Variants in KLHL7 observed in about 807,000 individuals in gnomAD.
The protein encoded by KLHL7 is kelch like family member 7.
Under a neutral mutation model 67.4 loss-of-function variants are expected in KLHL7, and 44 were observed. The ratio of observed to expected loss-of-function variants is 0.65; its 90% CI spans 0.51 to 0.84. The LOEUF is 0.84. Among genes scored for constraint, KLHL7 ranks in the 40% least tolerant of loss-of-function variants. The pLI is 0.00. For synonymous variants in KLHL7, 252 were observed against 243.3 expected (o/e 1.04, Z -0.33); for missense variants, 362 against 718.1 (o/e 0.50, Z 5.67).
At position 23,123,792 on chromosome 7, in the gene KLHL7, G is replaced by T; in HGVS notation, c.136G>T (p.Val46Leu). 6.2e-7 allele frequency: 1 copy of T among 1,612,856 alleles called. No homozygotes were observed. Among genetic ancestry groups the T allele is most frequent in the Non-Finnish European group, 8.5e-7 (1 of 1,179,038 alleles). ...NMRKQKTLCDVILMVQERKIP... is the reference protein window; with the variant it reads ...NMRKQKTLCDLILMVQERKIP... ...CTTTGATTAGAAAACGTTGTGTGAC[G>T]TGATCCTCATGGTCCAGGAAAGAAA... The change falls in exon 2 of 11, where the codon GTG (valine) becomes TTG (leucine). Residue 46 changes from valine (V) to leucine (L), a missense_variant. By Grantham distance (32) the Val-to-Leu change is conservative. Around this residue, in one of 5 missense-constraint regions of KLHL7, gnomAD observed 57 missense variants for 81.7 expected, o/e 0.70. Coordinates refer to ENST00000339077, the MANE Select transcript of KLHL7 (RefSeq NM_001031710.3).
chr7:23,176,184 A>C lies in KLHL7; in HGVS notation c.*1886A>C, dbSNP rs1785292413. On this transcript the variant is annotated 3_prime_UTR_variant, in exon 11 of 11. Coordinates refer to ENST00000339077, the MANE Select transcript of KLHL7 (RefSeq NM_001031710.3). ...AAAGAACAGAAATTTATTCTCTCAC[A>C]ATTCAGGAAGCCAGCACTCCTAAAT... 1.3e-5 allele frequency: 2 copies of C among 152,062 alleles called. No individual in the cohort carries two copies. Among genetic ancestry groups the C allele is most frequent in the South Asian group, 2.1e-4 (1 of 4,810 alleles). The allele number at this position is 152,062 out of a possible 1,614,324, so 9.4% of individuals were successfully genotyped here.
At chr7:23,173,605 A>G (rs1205891379) in intron 10 of KLHL7, among the ~76,000 whole-genome samples, 1 of 152,208 alleles carries the variant, frequency 6.6e-6, no homozygotes, top group Non-Finnish European at 1.5e-5. Context: ...TTTAAGCATC[A>G]CTTAAGTGTA....
intron 1 of KLHL7, among the ~76,000 whole-genome samples, chr7:23,120,533 G>A (rs1425474207): frequency 1.3e-5 from 2 of 151,976 alleles, no homozygotes; most frequent in Non-Finnish European, 2.9e-5. Flanking sequence ...TCTTTGTTGG[G>A]AACATTCAAT....
chr7:23,157,514 G>A (rs1448945451), intron 7 of KLHL7, among the ~76,000 whole-genome samples: 1 of 152,220 alleles, frequency 6.6e-6, no homozygotes, highest in Non-Finnish European at 1.5e-5. Context: ...TAGACAGGTG[G>A]TCTTCATGTT....
Position 23,126,281 on chromosome 7 carries a change from A to G in KLHL7, c.442+1109A>G, listed in dbSNP as rs140113452. Among the ~76,000 whole-genome samples, 21 of 152,312 alleles carry G rather than the reference A, an allele frequency of 1.4e-4. No homozygotes were observed. The East Asian group carries it at 3.9e-3, about 28-fold the overall frequency. On this transcript the variant is annotated intron_variant, in intron 4 of 10. Coordinates refer to ENST00000339077, the MANE Select transcript of KLHL7 (RefSeq NM_001031710.3). ...CATCACACAACTCAGAACAGCACAC[A>G]ATTTCAAACATATGAATTGTTTGTT...
At chr7:23,137,384 A>G (rs957141112) in intron 4 of KLHL7, among the ~76,000 whole-genome samples, 4 of 152,280 alleles carry the variant, frequency 2.6e-5, no homozygotes. Context: ...ATACAAAATA[A>G]CCTCAGACTT....
chr7:23,109,898 T>G (rs1008497965), intron 1 of KLHL7, among the ~76,000 whole-genome samples: 2 of 152,254 alleles, frequency 1.3e-5, no homozygotes, highest in Non-Finnish European at 2.9e-5. Context: ...TTTCTTTTTC[T>G]GTCTGTCCAG....
At chr7:23,132,066 T>TA (rs913975501) in intron 4 of KLHL7, among the ~76,000 whole-genome samples, 8 of 152,346 alleles carry the variant, frequency 5.3e-5, no homozygotes, top group Non-Finnish European at 2.9e-5. Flanking sequence ...GATGGACACT[T>TA]ACGTTGCTTC....
At chr7:23,144,165 G>A (rs1463916311) in intron 6 of KLHL7, 140 bp downstream of exon 6, 2 of 748,904 alleles carry the variant, frequency 2.7e-6, no homozygotes, top group African/African-American at 1.7e-5. Context: ...AATCCCTTGG[G>A]TTTCTGAACT....
At chr7:23,165,247 A>G (rs1014095803) in intron 7 of KLHL7, among the ~76,000 whole-genome samples, 2 of 152,270 alleles carry the variant, frequency 1.3e-5, no homozygotes, top group Admixed American at 6.5e-5. Context: ...TTAGACTATC[A>G]GTAGGATAAT....
intron 6 of KLHL7, among the ~76,000 whole-genome samples, chr7:23,150,513 A>G (rs766516582): frequency 6.6e-6 from 1 of 152,112 alleles, no homozygotes; most frequent in Non-Finnish European, 1.5e-5. Flanking sequence ...AGATCATTCC[A>G]TGCGTACATA....
intron 4 of KLHL7, among the ~76,000 whole-genome samples, chr7:23,128,015 A>G (rs1416748221): frequency 6.6e-6 from 1 of 151,700 alleles, no homozygotes; most frequent in Non-Finnish European, 1.5e-5. Context: ...CTGCAGTCCA[A>G]GCTACTCCAG....
At chr7:23,141,617 C>A (rs1178515) in intron 5 of KLHL7, among the ~76,000 whole-genome samples, 7,536 of 151,822 alleles carry the variant, frequency 0.05, 236 homozygotes, top group South Asian at 0.076. Flanking sequence ...TTAATTCATT[C>A]ATTCATTCAT....
intron 1 of KLHL7, among the ~76,000 whole-genome samples, chr7:23,113,064 G>T (rs1445722252): frequency 5.9e-5 from 9 of 152,006 alleles, no homozygotes; most frequent in African/African-American, 1.9e-4. Context: ...AGAAAGAGGG[G>T]ATTGATAGTA....
intron 1 of KLHL7, among the ~76,000 whole-genome samples, chr7:23,121,147 T>C (rs61572849): frequency 6.6e-6 from 1 of 152,358 alleles, no homozygotes; most frequent in African/African-American, 2.4e-5. Context: ...TCCATCCACA[T>C]TGCCGTGAAA....
At position 23,123,509 on chromosome 7, in the gene KLHL7, C is replaced by A. The variant is rs1194594631; in HGVS notation, c.121-268C>A. Among the ~76,000 whole-genome samples, 9 of 150,242 alleles carry A rather than the reference C, an allele frequency of 6.0e-5. No individual in the cohort carries two copies. The East Asian group carries it at 1.4e-3, about 23-fold the overall frequency. Reference sequence around the variant, plus strand: ...GAAAAAAAAAAAAAAAAAGACTTCTCTGAAGGGTTAGTAGACTTGTTTCTG... The same window carrying A: ...GAAAAAAAAAAAAAAAAAGACTTCTATGAAGGGTTAGTAGACTTGTTTCTG... On this transcript the variant is annotated intron_variant, in intron 1 of 10. Transcript: ENST00000339077.
intron 7 of KLHL7, among the ~76,000 whole-genome samples, chr7:23,159,519 G>A (rs1238286752): frequency 6.6e-6 from 1 of 151,928 alleles, no homozygotes; most frequent in Non-Finnish European, 1.5e-5. Flanking sequence ...CCTTAGGCAA[G>A]TCAGTTAGGA....
At chr7:23,106,201 C>T (rs975960331) in intron 1 of KLHL7, 55 bp downstream of exon 1, 15 of 1,588,174 alleles carry the variant, frequency 9.4e-6, no homozygotes, top group African/African-American at 9.4e-5. Flanking sequence ...GGGGCTCGGG[C>T]CCCTGGTTCC....
chr7:23,111,726 G>A (rs576698633), intron 1 of KLHL7, among the ~76,000 whole-genome samples: 2 of 149,292 alleles, frequency 1.3e-5, no homozygotes, highest in South Asian at 4.2e-4. Flanking sequence ...GAAGACTGAG[G>A]CAGGAGAATT....
Sources: allele counts gnomAD v4.1 joint callset (sites outside exome capture counted in the v4.1 genomes callset), GRCh38; gene constraint gnomAD v4.1.1; regional missense constraint gnomAD v4.1.1; transcripts MANE v1.5; gene names NCBI Gene and HGNC (gene_info 2026-07-23, HGNC 2026-07-21).